Variants in PRKN observed in about 807,000 individuals in gnomAD.
PRKN encodes the protein parkin RBR E3 ubiquitin protein ligase, also known as E3 ubiquitin-protein ligase parkin.
Under a neutral mutation model 59.5 loss-of-function variants are expected in PRKN, and 56 were observed. The observed-to-expected ratio is 0.94, with a 90% CI of 0.76 to 1.18. The LOEUF is 1.18. Ranked by LOEUF, PRKN falls within the 50% of genes most tolerant of loss-of-function variation. The pLI is 0.00. For synonymous variants in PRKN, 250 were observed against 222.1 expected (o/e 1.13, Z -1.12); for missense variants, 657 against 596.4 (o/e 1.10, Z -1.06).
chr6:161,894,459 A>G (rs1269130260), intron 6 of PRKN, among the ~76,000 whole-genome samples: 3 of 152,224 alleles, frequency 2.0e-5, no homozygotes, highest in East Asian at 3.9e-4. Flanking sequence ...ACTACAACCA[A>G]ACTCATCAGG....
At chr6:161,492,097 G>A (rs891719686) in intron 9 of PRKN, among the ~76,000 whole-genome samples, 1 of 152,096 alleles carries the variant, frequency 6.6e-6, no homozygotes. Context: ...CATCCATCTC[G>A]TTGTTGAGAA....
Position 161,354,447 on chromosome 6 carries a change from G to A in PRKN, c.1286-4236C>T, listed in dbSNP as rs1179683699. On this transcript the variant is annotated intron_variant, in intron 11 of 11. Transcript: ENST00000366898. This position sits in a 1 kb window ranked among gnomAD's most constrained non-coding sequence, Gnocchi z 6.7. The stretch of plus-strand genomic sequence containing the variant: ...TTCTTCCACTAGATTTAATGAGAGC[G>A]TGGAAGTCCCTGAACAACCTGAAGG... 6.6e-6 allele frequency among the ~76,000 whole-genome samples: 1 copy of A among 152,188 alleles called. No individual in the cohort carries two copies. Among genetic ancestry groups the A allele is most frequent in the East Asian group, 1.9e-4 (1 of 5,198 alleles).
intron 5 of PRKN, among the ~76,000 whole-genome samples, chr6:162,011,230 T>A (rs1395166679): frequency 7.9e-5 from 7 of 88,302 alleles, no homozygotes; most frequent in African/African-American, 2.4e-4. Flanking sequence ...ATATTTATAA[T>A]ATATAATTTA....
In PRKN at chr6:162,568,755, G is replaced by C. The variant is rs1402488679; in HGVS notation, c.8-125282C>G. ...CAAGAGCTACATCAACAACCCTAGGGGGCAGCCGGACACTCTGGTCCAGGA... is the reference window on the plus strand; with the variant it reads ...CAAGAGCTACATCAACAACCCTAGGCGGCAGCCGGACACTCTGGTCCAGGA... On this transcript the variant is annotated intron_variant, in intron 1 of 11. Coordinates refer to ENST00000366898, the MANE Select transcript of PRKN (RefSeq NM_004562.3). The C allele has an allele frequency of 1.6e-5, 12 of 747,284 alleles. No individual in the cohort carries two copies. In the East Asian group the frequency reaches 2.8e-4, roughly 17 times the overall value. 46.3% of individuals were successfully genotyped at this position (747,284 alleles called of 1,614,324 possible).
intron 2 of PRKN, among the ~76,000 whole-genome samples, chr6:162,323,076 TGGGGGGA>T (rs1335646486): frequency 3.6e-5 from 2 of 55,288 alleles, no homozygotes; most frequent in Admixed American, 2.9e-4. Flanking sequence ...TGTTGTGGGG[TGGGGGGA>T]GGGGGGAGGG....
At chr6:161,966,710 A>G (rs1780594297) in intron 6 of PRKN, among the ~76,000 whole-genome samples, 1 of 152,246 alleles carries the variant, frequency 6.6e-6, no homozygotes, top group African/African-American at 2.4e-5. Flanking sequence ...ACTGTTGGTA[A>G]GGAGAGGAGA....
At chr6:161,559,618 A>G (rs1351670784) in intron 8 of PRKN, among the ~76,000 whole-genome samples, 1 of 151,966 alleles carries the variant, frequency 6.6e-6, no homozygotes, top group Non-Finnish European at 1.5e-5. Context: ...TCTTTCCCTG[A>G]ATTCAGTATT....
intron 4 of PRKN, among the ~76,000 whole-genome samples, chr6:162,112,268 T>A (rs1053750373): frequency 6.6e-6 from 1 of 152,220 alleles, no homozygotes; most frequent in Admixed American, 6.5e-5. Context: ...GACCTCTTCA[T>A]GTGGAAAATG....
At chr6:162,567,739 A>G (rs1395076555) in intron 1 of PRKN, among the ~76,000 whole-genome samples, 1 of 152,178 alleles carries the variant, frequency 6.6e-6, no homozygotes, top group Non-Finnish European at 1.5e-5. Flanking sequence ...TGCCAATGAC[A>G]TTCTTCTGGG....
Position 161,581,997 on chromosome 6 carries a change from C to A in PRKN, c.872-12581G>T, listed in dbSNP as rs1277792130. Among the ~76,000 whole-genome samples, 1 of 152,162 alleles carries A rather than the reference C, an allele frequency of 6.6e-6. No individual in the cohort carries two copies. Among genetic ancestry groups the A allele is most frequent in the Non-Finnish European group, 1.5e-5 (1 of 68,030 alleles). ...CTCTTGTCTATTTTACATTATAACA[C>A]CTCCAGATCAGAGAAGGAGTTTTTG... is the stretch of plus-strand genomic sequence containing the variant. On this transcript the variant is annotated intron_variant, in intron 7 of 11. Coordinates refer to ENST00000366898, the MANE Select transcript of PRKN (RefSeq NM_004562.3). The surrounding 1 kb of genome is among the most constrained non-coding windows in gnomAD (Gnocchi z 4.5).
rs979595733 is a variant in PRKN at position 161,400,163 on chromosome 6, G to A, written c.1084-13286C>T. On this transcript the variant is annotated intron_variant, in intron 9 of 11. Transcript: ENST00000366898. This position sits in a 1 kb window ranked among gnomAD's most constrained non-coding sequence, Gnocchi z 4.2. ...ACGCTGGACTGCGCAGGTCTACAAG[G>A]ACCCTGCTGTCTGAGGACTCCTTGC... 6.6e-6 allele frequency among the ~76,000 whole-genome samples: 1 copy of A among 152,026 alleles called. No individual in the cohort carries two copies.
At chr6:162,102,791 C>T (rs138503541) in intron 4 of PRKN, among the ~76,000 whole-genome samples, 3,413 of 144,552 alleles carry the variant, frequency 0.024, 59 homozygotes, top group African/African-American at 0.051. Flanking sequence ...CGCCTGTAAT[C>T]CCAGCACTTT....
intron 6 of PRKN, among the ~76,000 whole-genome samples, chr6:161,933,098 G>T (rs1475843017): frequency 6.6e-6 from 1 of 152,076 alleles, no homozygotes; most frequent in Non-Finnish European, 1.5e-5. Context: ...TGGCTAACAT[G>T]GTGAAAGCCC....
intron 2 of PRKN, among the ~76,000 whole-genome samples, chr6:162,362,635 G>A (rs929850134): frequency 2.0e-5 from 3 of 152,088 alleles, no homozygotes; most frequent in Admixed American, 6.6e-5. Flanking sequence ...TAACATGGGA[G>A]ACATTGTAAA....
At chr6:162,722,729 T>C (rs1486634962) in intron 1 of PRKN, among the ~76,000 whole-genome samples, 1 of 152,216 alleles carries the variant, frequency 6.6e-6, no homozygotes, top group East Asian at 1.9e-4. Flanking sequence ...GGAATGGATT[T>C]ACATATCTTA....
At chr6:161,511,925 C>T (rs1473978089) in intron 9 of PRKN, among the ~76,000 whole-genome samples, 3 of 152,162 alleles carry the variant, frequency 2.0e-5, no homozygotes, top group East Asian at 1.9e-4. Context: ...CATTACGATC[C>T]GCGGGAAGGC....
rs536920927 is a variant in PRKN, at chr6:161,967,644, A to G, written c.734+5658T>C. Among the ~76,000 whole-genome samples the G allele has an allele frequency of 1.2e-4, 19 of 152,352 alleles. No individual in the cohort carries two copies. In the South Asian group the frequency reaches 2.5e-3, roughly 20 times the overall value. Reference sequence around the variant, plus strand: ...AATTCTTACTTTCATTAGTACTGACAACCGAAATGAGTGACTGAGGCAGAA... The same window carrying G: ...AATTCTTACTTTCATTAGTACTGACGACCGAAATGAGTGACTGAGGCAGAA... On this transcript the variant is annotated intron_variant, in intron 6 of 11. Transcript: ENST00000366898.
intron 2 of PRKN, among the ~76,000 whole-genome samples, chr6:162,264,396 T>G (rs1780032519): frequency 6.6e-6 from 1 of 152,132 alleles, no homozygotes; most frequent in Non-Finnish European, 1.5e-5. Context: ...CCATAACTCA[T>G]AGCGATGAAT....
intron 6 of PRKN, among the ~76,000 whole-genome samples, chr6:161,806,151 C>A (rs1791311227): frequency 6.6e-6 from 1 of 152,168 alleles, no homozygotes; most frequent in African/African-American, 2.4e-5. Flanking sequence ...GATTGGTCGT[C>A]CAAGCAGCCA....
Sources: allele counts gnomAD v4.1 joint callset (sites outside exome capture counted in the v4.1 genomes callset), GRCh38; gene constraint gnomAD v4.1.1; non-coding constraint Gnocchi (gnomAD v3.1); transcripts MANE v1.5; gene names NCBI Gene and HGNC (gene_info 2026-07-23, HGNC 2026-07-21).